The following TEX36 variants were observed in gnomAD, a reference collection of about 807,000 sequenced individuals.
The protein encoded by TEX36 is testis-expressed protein 36.
Under a neutral mutation model 13.6 loss-of-function variants are expected in TEX36, and 12 were observed. The ratio of observed to expected loss-of-function variants is 0.88; its 90% CI spans 0.56 to 1.43. The LOEUF (loss-of-function observed/expected upper bound fraction) is 1.43, where lower values mean the gene tolerates loss of function less well. TEX36 is among the 40% of genes most tolerant of loss of function. The pLI is 0.00. For missense variants in TEX36, 224 were observed against 228.3 expected, an observed-to-expected ratio of 0.98 and a Z score of 0.12; for synonymous variants, 93 against 83.0, an observed-to-expected ratio of 1.12 and a Z score of -0.65.
chr10:125,596,098 G>A lies in TEX36; in HGVS notation c.265-19224C>T, dbSNP rs115489416. On this transcript the variant is annotated intron_variant, in intron 3 of 3. Transcript: ENST00000532135. ...TAGGTAAGTATTTAACCTCAGGAATGCAAGGATGGTTTAACATGAGAAATG... is the reference window on the plus strand; with the variant it reads ...TAGGTAAGTATTTAACCTCAGGAATACAAGGATGGTTTAACATGAGAAATG... Among the ~76,000 whole-genome samples, 1,418 of 152,370 alleles carry A rather than the reference G, an allele frequency of 9.3e-3. 20 individuals carry two copies. Among genetic ancestry groups the A allele is most frequent in the African/African-American group, 0.032 (1,331 of 41,588 alleles).
intron 3 of TEX36, among the ~76,000 whole-genome samples, chr10:125,656,592 A>G (rs192925835): frequency 6.6e-6 from 1 of 151,720 alleles, no homozygotes; most frequent in Non-Finnish European, 1.5e-5. Context: ...TCTTAAAATC[A>G]GTTACTTGAC....
chr10:125,666,976 C>T, intron 1 of TEX36: 1 of 1,174,436 alleles, frequency 8.5e-7, no homozygotes, highest in Non-Finnish European at 1.2e-6. Flanking sequence ...TTGGCCACGG[C>T]TCACTTGACT....
chr10:125,613,586 C>T (rs1846318810), intron 3 of TEX36, among the ~76,000 whole-genome samples: 1 of 151,540 alleles, frequency 6.6e-6, no homozygotes, highest in African/African-American at 2.4e-5. Context: ...CAATTTCATC[C>T]ATGTCCCTAC....
intron 3 of TEX36, among the ~76,000 whole-genome samples, chr10:125,632,605 AG>A (rs1452801795): frequency 6.6e-6 from 1 of 152,194 alleles, no homozygotes; most frequent in African/African-American, 2.4e-5. Flanking sequence ...AGCTGGTAAA[AG>A]TGATGGGAAA....
At chr10:125,629,525 T>A (rs1188277811) in intron 3 of TEX36, among the ~76,000 whole-genome samples, 1 of 152,234 alleles carries the variant, frequency 6.6e-6, no homozygotes, top group Middle Eastern at 3.2e-3. Flanking sequence ...TAAATGAGAT[T>A]GAGTAAATAG....
rs191289140 is a variant in TEX36, at chr10:125,672,489, G to T, written c.51+10450C>A. ...TTATAATTTGACTGCACTGTGGTCT[G>T]AGAGACAGTTTGTTATTATTTCACT... is the stretch of plus-strand genomic sequence containing the variant. On this transcript the variant is annotated intron_variant, in intron 1 of 3. Coordinates refer to ENST00000368821, the MANE Select transcript of TEX36 (RefSeq NM_001128202.3). Among the ~76,000 whole-genome samples the T allele has an allele frequency of 7.2e-5, 11 of 152,336 alleles. No homozygotes were observed. In the East Asian group the frequency reaches 2.1e-3, roughly 29 times the overall value.
intron 1 of TEX36, among the ~76,000 whole-genome samples, chr10:125,675,381 G>A (rs994063337): frequency 6.6e-6 from 1 of 151,240 alleles, no homozygotes; most frequent in Non-Finnish European, 1.5e-5. Context: ...CCTCTCCTGG[G>A]GAGTTCAGTC....
intron 3 of TEX36, among the ~76,000 whole-genome samples, chr10:125,603,422 G>A (rs541941309): frequency 1.1e-4 from 17 of 151,492 alleles, no homozygotes; most frequent in East Asian, 7.8e-4. Flanking sequence ...TGCTCCGCCC[G>A]TTGCCTGAGC....
rs545482515 is a variant in TEX36 at position 125,656,794 on chromosome 10, C to CA, written c.265-599dup. 3.0e-3 allele frequency among the ~76,000 whole-genome samples: 463 copies of CA among 152,178 alleles called. 3 individuals carry two copies. The highest frequency in any genetic ancestry group is 0.011 in the African/African-American group (441 of 41,528). On this transcript the variant is annotated intron_variant, in intron 3 of 3. Coordinates refer to ENST00000368821, the MANE Select transcript of TEX36 (RefSeq NM_001128202.3). ...GAACCAGAGACAATCCAGCCAGAAA[C>CA]AGACTGTTAGCCAGCCTCAACCCTA...
chr10:125,670,497 G>A (rs181621209), intron 1 of TEX36, among the ~76,000 whole-genome samples: 85 of 152,122 alleles, frequency 5.6e-4, no homozygotes, highest in Middle Eastern at 3.4e-3. Flanking sequence ...AGACCTTTAT[G>A]AGATGGATAG....
intron 3 of TEX36, among the ~76,000 whole-genome samples, chr10:125,578,967 C>T (rs1845856020): frequency 6.6e-6 from 1 of 152,206 alleles, no homozygotes; most frequent in African/African-American, 2.4e-5. Flanking sequence ...CTTGAAGCCC[C>T]CAAACTCGTT....
At chr10:125,677,773 C>T (rs1161150865) in intron 1 of TEX36, among the ~76,000 whole-genome samples, 1 of 152,160 alleles carries the variant, frequency 6.6e-6, no homozygotes, top group African/African-American at 2.4e-5. Context: ...CCTCCGCCAC[C>T]CAGACTCAAT....
intron 3 of TEX36, among the ~76,000 whole-genome samples, chr10:125,626,386 T>C (rs536817575): frequency 6.6e-6 from 1 of 152,182 alleles, no homozygotes; most frequent in Non-Finnish European, 1.5e-5. Context: ...GTTGACAGAA[T>C]AGTCATTAAC....
intron 3 of TEX36, among the ~76,000 whole-genome samples, chr10:125,625,196 A>T (rs1846472889): frequency 6.6e-6 from 1 of 152,200 alleles, no homozygotes; most frequent in Non-Finnish European, 1.5e-5. Flanking sequence ...ACCAGACATG[A>T]GCCCCTCCTG....
At chr10:125,627,768 G>A (rs557224593) in intron 3 of TEX36, among the ~76,000 whole-genome samples, 14 of 152,342 alleles carry the variant, frequency 9.2e-5, no homozygotes, top group Admixed American at 6.5e-5. Flanking sequence ...GTCTGCGTGA[G>A]TCCTTGGGAC....
At chr10:125,629,929 G>T (rs1846532109) in intron 3 of TEX36, among the ~76,000 whole-genome samples, 1 of 152,122 alleles carries the variant, frequency 6.6e-6, no homozygotes, top group Admixed American at 6.5e-5. Context: ...AGGTCTGAGA[G>T]GCCCTATTCC....
chr10:125,663,996 C>T (rs1847087516), intron 1 of TEX36, among the ~76,000 whole-genome samples: 1 of 152,164 alleles, frequency 6.6e-6, no homozygotes, highest in Non-Finnish European at 1.5e-5. Context: ...TGTCCCTCAC[C>T]ACTACCTTTC....
chr10:125,669,403 C>G (rs1421315677), intron 1 of TEX36, among the ~76,000 whole-genome samples: 1 of 151,950 alleles, frequency 6.6e-6, no homozygotes, highest in African/African-American at 2.4e-5. Context: ...TCACTTGAAC[C>G]TGGGAGGCGG....
At chr10:125,671,011 A>G (rs926546109) in intron 1 of TEX36, among the ~76,000 whole-genome samples, 1 of 152,064 alleles carries the variant, frequency 6.6e-6, no homozygotes, top group Non-Finnish European at 1.5e-5. Context: ...GAAGTCAGGT[A>G]GCATGATGCC....
Sources: gnomAD v4.1 joint callset for allele counts (sites outside exome capture counted in the v4.1 genomes callset) on GRCh38, gnomAD v4.1.1 for gene constraint, MANE v1.5 for transcripts, NCBI Gene and HGNC (gene_info 2026-07-23, HGNC 2026-07-21) for gene names.